Variants in SEPTIN9 observed in about 807,000 individuals in gnomAD.
The protein encoded by SEPTIN9 is septin 9.
In SEPTIN9, 13 loss-of-function variants were observed where a neutral mutation model predicts 56.6. The observed-to-expected ratio is 0.23, with a 90% CI of 0.15 to 0.37. The LOEUF (loss-of-function observed/expected upper bound fraction) is 0.37. SEPTIN9 is among the 10% of genes least tolerant of loss of function. The pLI is 1.00. For synonymous variants in SEPTIN9, 332 were observed against 334.1 expected (o/e 0.99, Z 0.07); for missense variants, 650 against 823.1 (o/e 0.79, Z 2.57).
chr17:77,367,942 G>A lies in SEPTIN9; in HGVS notation c.77-34117G>A, dbSNP rs1220280839. ...TCAATTGCTCAAATGTGGAAGGAAT[G>A]GATATACAAAGTGTGTGTACACACA... On this transcript the variant is annotated intron_variant, in intron 2 of 11. Transcript: ENST00000427177. This position sits in a 1 kb window ranked among gnomAD's most constrained non-coding sequence, Gnocchi z 4.5. Among the ~76,000 whole-genome samples, 1 of 152,198 alleles carries A rather than the reference G, an allele frequency of 6.6e-6. No homozygotes were observed. Among genetic ancestry groups the A allele is most frequent in the Non-Finnish European group, 1.5e-5 (1 of 68,030 alleles).
rs917148679 is a variant in SEPTIN9 at position 77,327,377 on chromosome 17, C to G, written c.76+20180C>G. 2.6e-5 allele frequency among the ~76,000 whole-genome samples: 4 copies of G among 152,182 alleles called. No individual in the cohort carries two copies. The highest frequency in any genetic ancestry group is 4.4e-5 in the Non-Finnish European group (3 of 68,036). On this transcript the variant is annotated intron_variant, in intron 2 of 11. Coordinates refer to ENST00000427177, the MANE Select transcript of SEPTIN9 (RefSeq NM_001113491.2). The surrounding 1 kb of genome is among the most constrained non-coding windows in gnomAD (Gnocchi z 5.0). ...AGCTTCTGAAGCCGCTCGCTGTGTG[C>G]CCCCGCCTGGCCCCATGCATCCCGC...
intron 2 of SEPTIN9, among the ~76,000 whole-genome samples, chr17:77,325,384 G>A (rs139975058): frequency 2.0e-5 from 3 of 152,270 alleles, no homozygotes; most frequent in African/African-American, 4.8e-5. Context: ...CTTTTCTCAC[G>A]CCCAGCTGGT....
At chr17:77,365,924 C>T (rs2034557203) in intron 2 of SEPTIN9, among the ~76,000 whole-genome samples, 1 of 152,158 alleles carries the variant, frequency 6.6e-6, no homozygotes, top group Non-Finnish European at 1.5e-5. Flanking sequence ...TGACTCAGCC[C>T]TCATCCCTGC....
rs1354477753 is a variant in SEPTIN9 at position 77,330,055 on chromosome 17, T to C, written c.76+22858T>C. On this transcript the variant is annotated intron_variant, in intron 2 of 11. Coordinates refer to ENST00000427177, the MANE Select transcript of SEPTIN9 (RefSeq NM_001113491.2). This position sits in a 1 kb window ranked among gnomAD's most constrained non-coding sequence, Gnocchi z 4.4. ...CTGTGCTCACCTTCTGCTTCCTTCC[T>C]CTCCCTCGGAATGGGGGGTGGACAC... 6.6e-6 allele frequency among the ~76,000 whole-genome samples: 1 copy of C among 152,090 alleles called. No individual in the cohort carries two copies. Among genetic ancestry groups the C allele is most frequent in the Non-Finnish European group, 1.5e-5 (1 of 68,000 alleles).
chr17:77,316,027 T>C (rs2032690906), intron 2 of SEPTIN9, among the ~76,000 whole-genome samples: 1 of 152,076 alleles, frequency 6.6e-6, no homozygotes, highest in Non-Finnish European at 1.5e-5. Flanking sequence ...TTGGTCCAAT[T>C]TGGGAAAAGG....
At chr17:77,459,836 C>T (rs948078681) in intron 3 of SEPTIN9, among the ~76,000 whole-genome samples, 8 of 152,252 alleles carry the variant, frequency 5.3e-5, no homozygotes, top group Non-Finnish European at 7.4e-5. Context: ...CCACCGCGCC[C>T]GGCTAATTTT....
intron 2 of SEPTIN9, among the ~76,000 whole-genome samples, chr17:77,354,895 C>T (rs8067472): frequency 0.24 from 35,756 of 151,744 alleles, 4,631 homozygotes; most frequent in East Asian, 0.6. Flanking sequence ...GTGGCAGGCC[C>T]GAGCACTGCT....
intron 1 of SEPTIN9, among the ~76,000 whole-genome samples, chr17:77,282,722 C>T (rs2031085065): frequency 6.6e-6 from 1 of 152,254 alleles, no homozygotes; most frequent in Non-Finnish European, 1.5e-5. Context: ...GCCCTCTACG[C>T]ACCCGGAGCA....
At chr17:77,403,391 G>A (rs2035967595) in intron 3 of SEPTIN9, among the ~76,000 whole-genome samples, 1 of 152,224 alleles carries the variant, frequency 6.6e-6, no homozygotes, top group Non-Finnish European at 1.5e-5. Flanking sequence ...TTATTTGGGG[G>A]TGCCCTTCTG....
chr17:77,351,315 G>A (rs559680007), intron 2 of SEPTIN9, among the ~76,000 whole-genome samples: 1 of 152,126 alleles, frequency 6.6e-6, no homozygotes, highest in South Asian at 2.1e-4. Flanking sequence ...AGGCCTGGCA[G>A]GAAACCGGGT....
chr17:77,448,484 C>G (rs1356526109), intron 3 of SEPTIN9, among the ~76,000 whole-genome samples: 2 of 118,906 alleles, frequency 1.7e-5, no homozygotes, highest in African/African-American at 6.2e-5. Context: ...CCCCGGCAAC[C>G]AAAAAAAAAA....
chr17:77,427,590 G>T lies in SEPTIN9; in HGVS notation c.721+24887G>T, dbSNP rs188102716. Among the ~76,000 whole-genome samples the T allele has an allele frequency of 2.2e-3, 329 of 152,326 alleles. 8 individuals are homozygous for T. The South Asian group carries it at 0.054, about 25-fold the overall frequency. On this transcript the variant is annotated intron_variant, in intron 3 of 11. Transcript: ENST00000427177. Reference sequence around the variant, plus strand: ...TGCCTCATACACTGTATTGAGATGGGATCCGAGGCCGGGAAGAACAGCTTC... The same window carrying T: ...TGCCTCATACACTGTATTGAGATGGTATCCGAGGCCGGGAAGAACAGCTTC...
At chr17:77,431,793 G>A (rs1244896918) in intron 3 of SEPTIN9, among the ~76,000 whole-genome samples, 1 of 142,856 alleles carries the variant, frequency 7.0e-6, no homozygotes, top group Admixed American at 7.4e-5. Flanking sequence ...TCGTGCCACT[G>A]CATTCCAGCC....
Position 77,402,390 on chromosome 17 carries a change from G to T in SEPTIN9, c.408G>T (p.Glu136Asp), listed in dbSNP as rs556044328. 6.2e-7 allele frequency: 1 copy of T among 1,611,772 alleles called. No individual in the cohort carries two copies. The highest frequency in any genetic ancestry group is 1.3e-5 in the African/African-American group (1 of 75,040). The change falls in exon 3 of 12, where the codon GAG (glutamate) becomes GAT (aspartate). Residue 136 changes from glutamate to aspartate, a missense_variant. Physicochemically the swap from Glu to Asp is conservative, Grantham distance 45. Transcript: ENST00000427177. This position sits in a 1 kb window ranked among gnomAD's most constrained non-coding sequence, Gnocchi z 6.6. ...CCCGGTTCGGGCTCAAGAGGGCCGAGGTGTTGGGCCACAAGACGCCAGAAC... is the reference window on the plus strand; with the variant it reads ...CCCGGTTCGGGCTCAAGAGGGCCGATGTGTTGGGCCACAAGACGCCAGAAC... The part of the protein sequence containing the change: ...GPSRFGLKRA[E>D]VLGHKTPEPA...
rs994091566 is a variant in SEPTIN9 at position 77,492,044 on chromosome 17, A to G, written c.1381-577A>G. Among the ~76,000 whole-genome samples, 4 of 151,978 alleles carry G rather than the reference A, an allele frequency of 2.6e-5. No homozygotes were observed. The highest frequency in any genetic ancestry group is 2.0e-4 in the Admixed American group (3 of 15,270). On this transcript the variant is annotated intron_variant, in intron 8 of 11. Coordinates refer to ENST00000427177, the MANE Select transcript of SEPTIN9 (RefSeq NM_001113491.2). This position sits in a 1 kb window ranked among gnomAD's most constrained non-coding sequence, Gnocchi z 5.4. ...TCGGTGGGTGTGGGTGGGGCCTGTAACCTACTCCGTCCTGGGGCCAGGTGT... is the reference window on the plus strand; with the variant it reads ...TCGGTGGGTGTGGGTGGGGCCTGTAGCCTACTCCGTCCTGGGGCCAGGTGT...
At position 77,402,102 on chromosome 17, in the gene SEPTIN9, C is replaced by G. The variant is rs1428773661; in HGVS notation, c.120C>G (p.Asn40Lys). Residue 40 changes from asparagine (N) to lysine (K), a missense_variant, in exon 3 of 12, where the codon AAC becomes AAG. Coordinates refer to ENST00000427177, the MANE Select transcript of SEPTIN9 (RefSeq NM_001113491.2). The surrounding 1 kb of genome is among the most constrained non-coding windows in gnomAD (Gnocchi z 6.6). ...SFEVEEVETPNSTPPRRVQTP... is the reference protein window; with the variant it reads ...SFEVEEVETPKSTPPRRVQTP... ...AGGTCGAGGAGGTCGAGACACCCAA[C>G]TCCACCCCACCCCGGAGGGTCCAGA... The G allele has an allele frequency of 1.2e-6, 2 of 1,613,994 alleles. No individual in the cohort carries two copies. Among genetic ancestry groups the G allele is most frequent in the South Asian group, 1.1e-5 (1 of 91,090 alleles).
At position 77,429,476 on chromosome 17, in the gene SEPTIN9, CAGAG is replaced by C. The variant is rs1205196469; in HGVS notation, c.721+26776_721+26779del. On this transcript the variant is annotated intron_variant, in intron 3 of 11. Transcript: ENST00000427177. This position sits in a 1 kb window ranked among gnomAD's most constrained non-coding sequence, Gnocchi z 5.2. The stretch of plus-strand genomic sequence containing the variant: ...TGTTGTGGGGATGTTGGCAGAGAAT[CAGAG>C]AGGGCATCCAAAAAGGCCAACAGTT... 2.7e-6 allele frequency: 1 copy of C among 371,272 alleles called. No individual in the cohort carries two copies. The highest frequency in any genetic ancestry group is 5.6e-6 in the Non-Finnish European group (1 of 178,944). The allele number at this position is 371,272 out of a possible 1,614,324, so 23.0% of individuals were successfully genotyped here. A position where few individuals can be genotyped will look rare whatever the true frequency, so the allele number is the denominator to read the frequency against.
Position 77,310,971 on chromosome 17 carries a change from A to G in SEPTIN9, c.76+3774A>G, listed in dbSNP as rs550992078. 2.0e-5 allele frequency among the ~76,000 whole-genome samples: 3 copies of G among 152,208 alleles called. No homozygotes were observed. In the South Asian group the frequency reaches 6.2e-4, roughly 32 times the overall value. On this transcript the variant is annotated intron_variant, in intron 2 of 11. Transcript: ENST00000427177. This position sits in a 1 kb window ranked among gnomAD's most constrained non-coding sequence, Gnocchi z 4.7. ...CCTAGGTTGAACCGTGTCCCCCACA[A>G]ACTCATGTCCACCAAAAACCTCAGA...
intron 3 of SEPTIN9, among the ~76,000 whole-genome samples, chr17:77,477,760 C>A (rs1481070797): frequency 1.3e-5 from 2 of 152,074 alleles, no homozygotes; most frequent in Non-Finnish European, 2.9e-5. Flanking sequence ...CCTCTGACTC[C>A]CAGCTGCGGA....
Sources: allele counts gnomAD v4.1 joint callset (sites outside exome capture counted in the v4.1 genomes callset), GRCh38; gene constraint gnomAD v4.1.1; non-coding constraint Gnocchi (gnomAD v3.1); transcripts MANE v1.5; gene names NCBI Gene and HGNC (gene_info 2026-07-23, HGNC 2026-07-21).